The following YTHDC1 variants were observed in gnomAD, a reference collection of about 807,000 sequenced individuals.
The protein encoded by YTHDC1 is YTH N6-methyladenosine RNA binding protein C1, also known as YTH domain-containing protein 1.
Under a neutral mutation model 107.0 loss-of-function variants are expected in YTHDC1, and 12 were observed. The ratio of observed to expected loss-of-function variants is 0.11; its 90% CI spans 0.07 to 0.18. The LOEUF (loss-of-function observed/expected upper bound fraction) is 0.18. Among genes scored for constraint, YTHDC1 ranks in the 10% least tolerant of loss-of-function variants. The pLI is 1.00. For synonymous variants in YTHDC1, 280 were observed against 289.5 expected, an observed-to-expected ratio of 0.97 and a Z score of 0.33; for missense variants, 635 against 898.8, an observed-to-expected ratio of 0.71 and a Z score of 3.75.
chr4:68,334,090 T>C (rs1196845270), intron 4 of YTHDC1, among the ~76,000 whole-genome samples: 5 of 152,170 alleles, frequency 3.3e-5, no homozygotes, highest in Non-Finnish European at 7.4e-5. Context: ...TTACCTGCCA[T>C]GTAAGAACCA....
rs1721265349 is a variant in YTHDC1 at position 68,310,993 on chromosome 4, T to TA, written c.*3105dup. 6.6e-6 allele frequency: 1 copy of TA among 152,190 alleles called. No homozygotes were observed. Among genetic ancestry groups the TA allele is most frequent in the Non-Finnish European group, 1.5e-5 (1 of 68,040 alleles). The allele number at this position is 152,190 out of a possible 1,614,324, so 9.4% of individuals were successfully genotyped here. ...TTATAACTTGTATGAGATCCTGATT[T>TA]AATGGACATCTGCTAAATTTCCTCT... is the stretch of plus-strand genomic sequence containing the variant. On this transcript the variant is annotated 3_prime_UTR_variant, in exon 17 of 17. Coordinates refer to ENST00000344157, the MANE Select transcript of YTHDC1 (RefSeq NM_001031732.4).
chr4:68,338,163 A>G, intron 2 of YTHDC1, 120 bp downstream of exon 2: 1 of 1,296,000 alleles, frequency 7.7e-7, no homozygotes, highest in Non-Finnish European at 1.1e-6. Context: ...TTTATTATGT[A>G]CATTTAGTGT....
chr4:68,349,764 C>G lies in YTHDC1; in HGVS notation c.-11G>C. 1 of 1,612,866 alleles carries G rather than the reference C, an allele frequency of 6.2e-7. No individual in the cohort carries two copies. Among genetic ancestry groups the G allele is most frequent in the Non-Finnish European group, 8.5e-7 (1 of 1,179,680 alleles). On this transcript the variant is annotated 5_prime_UTR_variant, in exon 1 of 17. Coordinates refer to ENST00000344157, the MANE Select transcript of YTHDC1 (RefSeq NM_001031732.4). ...ACTGTCAGCCGCCATGGCTCCCCTTCGGTTTCCGCCGCTGCCACCGCCGCC... is the reference window on the plus strand; with the variant it reads ...ACTGTCAGCCGCCATGGCTCCCCTTGGGTTTCCGCCGCTGCCACCGCCGCC...
At position 68,322,933 on chromosome 4, in the gene YTHDC1, CA is replaced by C; in HGVS notation, c.1435-19del. The C allele has an allele frequency of 6.2e-7, 1 of 1,608,576 alleles. No individual in the cohort carries two copies. The highest frequency in any genetic ancestry group is 8.5e-7 in the Non-Finnish European group (1 of 1,175,906). ...TCAATTTCCTAGAATAGGAAAGTAGCAATTTATAAAACAAAAACAGACCCTT... is the reference window on the plus strand; with the variant it reads ...TCAATTTCCTAGAATAGGAAAGTAGCATTTATAAAACAAAAACAGACCCTT... On this transcript the variant is annotated intron_variant, in intron 10 of 16. Coordinates refer to ENST00000344157, the MANE Select transcript of YTHDC1 (RefSeq NM_001031732.4). This position sits in a 1 kb window ranked among gnomAD's most constrained non-coding sequence, Gnocchi z 4.8.
At chr4:68,331,817 AAAC>A in intron 7 of YTHDC1, among the ~76,000 whole-genome samples, 1 of 152,194 alleles carries the variant, frequency 6.6e-6, no homozygotes. Flanking sequence ...GGAAGTACAG[AAAC>A]AAAAATCAAC....
intron 6 of YTHDC1, among the ~76,000 whole-genome samples, chr4:68,332,454 A>G (rs1723697254): frequency 6.6e-6 from 1 of 152,168 alleles, no homozygotes; most frequent in Non-Finnish European, 1.5e-5. Context: ...GAAAATGGTT[A>G]CCAAGTTTTA....
intron 9 of YTHDC1, among the ~76,000 whole-genome samples, chr4:68,324,668 A>G (rs1362339512): frequency 2.0e-5 from 3 of 152,198 alleles, no homozygotes; most frequent in Non-Finnish European, 1.5e-5. Context: ...CCAAATGAAA[A>G]TAGAAGTGTC....
intron 9 of YTHDC1, among the ~76,000 whole-genome samples, chr4:68,329,425 A>T (rs1723339311): frequency 6.6e-6 from 1 of 152,192 alleles, no homozygotes; most frequent in South Asian, 2.1e-4. Context: ...TTTTTAACTA[A>T]AATTAATTTT....
At chr4:68,338,028 G>A (rs1578064344) in intron 2 of YTHDC1, 128 bp from the exon 3 acceptor site, 2 of 1,460,998 alleles carry the variant, frequency 1.4e-6, no homozygotes, top group Non-Finnish European at 8.9e-7. Context: ...AGTCTTCTGA[G>A]AGATTTCTTC....
At chr4:68,323,329 C>T (rs1434201532) in intron 10 of YTHDC1, among the ~76,000 whole-genome samples, 4 of 152,074 alleles carry the variant, frequency 2.6e-5, no homozygotes, top group African/African-American at 7.2e-5. Flanking sequence ...TTAGATTTAC[C>T]ACAAAGGCAG....
chr4:68,348,563 T>TAC (rs1397351205), intron 1 of YTHDC1, among the ~76,000 whole-genome samples: 1 of 151,426 alleles, frequency 6.6e-6, no homozygotes, highest in East Asian at 1.9e-4. Context: ...ATCAAAGAAC[T>TAC]ACTTTAGGAT....
chr4:68,317,316 A>G (rs1721975013), intron 15 of YTHDC1, among the ~76,000 whole-genome samples: 1 of 152,224 alleles, frequency 6.6e-6, no homozygotes, highest in Non-Finnish European at 1.5e-5. Context: ...AGTTACTATC[A>G]AGATCATATA....
At chr4:68,335,340 T>A (rs1272501666) in intron 4 of YTHDC1, among the ~76,000 whole-genome samples, 3 of 152,150 alleles carry the variant, frequency 2.0e-5, no homozygotes, top group African/African-American at 7.2e-5. Context: ...ATGTTCCACA[T>A]AAGGGATTTT....
chr4:68,312,149 A>G lies in YTHDC1; in HGVS notation c.*1950T>C, dbSNP rs993689145. ...TATTAATTTATATACTGTTTTTTCA[A>G]AAGTGATGAGGTGGTTTAGAAACAC... On this transcript the variant is annotated 3_prime_UTR_variant, in exon 17 of 17. Coordinates refer to ENST00000344157, the MANE Select transcript of YTHDC1 (RefSeq NM_001031732.4). The G allele has an allele frequency of 6.6e-6, 1 of 152,154 alleles. No individual in the cohort carries two copies. Among genetic ancestry groups the G allele is most frequent in the Non-Finnish European group, 1.5e-5 (1 of 68,024 alleles). The allele number at this position is 152,154 out of a possible 1,614,324, so 9.4% of individuals were successfully genotyped here.
intron 7 of YTHDC1, among the ~76,000 whole-genome samples, chr4:68,330,543 A>T (rs1445033529): frequency 6.6e-6 from 1 of 152,160 alleles, no homozygotes; most frequent in Non-Finnish European, 1.5e-5. Context: ...CAAGTAGTAA[A>T]TAGATGGAGA....
At chr4:68,316,585 G>T in intron 15 of YTHDC1, 137 bp from the exon 16 acceptor site, 1 of 1,005,676 alleles carries the variant, frequency 9.9e-7, no homozygotes, top group Non-Finnish European at 1.4e-6. Context: ...GCATTAAGGT[G>T]TTTCAAAATA....
rs1019755256 is a variant in YTHDC1 at position 68,327,211 on chromosome 4, G to A, written c.1349+2791C>T. ...AGATTGCGCCATTGCACTCTAGCCT[G>A]GGCAACAAGAGCGAAACTCCGTCTC... On this transcript the variant is annotated intron_variant, in intron 9 of 16. Coordinates refer to ENST00000344157, the MANE Select transcript of YTHDC1 (RefSeq NM_001031732.4). 2.6e-5 allele frequency among the ~76,000 whole-genome samples: 4 copies of A among 152,020 alleles called. No homozygotes were observed. The South Asian group carries it at 8.3e-4, about 32-fold the overall frequency.
Position 68,322,384 on chromosome 4 carries a change from T to C in YTHDC1, c.1601+365A>G. The C allele has an allele frequency of 5.4e-6, 1 of 185,952 alleles. No homozygotes were observed. Among genetic ancestry groups the C allele is most frequent in the Non-Finnish European group, 1.1e-5 (1 of 91,010 alleles). The allele number at this position is 185,952 out of a possible 1,614,324, so 11.5% of individuals were successfully genotyped here. A position where few individuals can be genotyped will look rare whatever the true frequency, so the allele number is the denominator to read the frequency against. ...CTGAAAGAAAAGGCTTTTTAAAAAGTATTAACAATTTTTGCAAATAAAGAC... is the reference window on the plus strand; with the variant it reads ...CTGAAAGAAAAGGCTTTTTAAAAAGCATTAACAATTTTTGCAAATAAAGAC... On this transcript the variant is annotated intron_variant, in intron 11 of 16. Coordinates refer to ENST00000344157, the MANE Select transcript of YTHDC1 (RefSeq NM_001031732.4). The surrounding 1 kb of genome is among the most constrained non-coding windows in gnomAD (Gnocchi z 4.8).
intron 1 of YTHDC1, among the ~76,000 whole-genome samples, chr4:68,345,810 G>T (rs1204360617): frequency 9.2e-5 from 14 of 152,004 alleles, no homozygotes; most frequent in Admixed American, 9.2e-4. Flanking sequence ...TTGTGGCACA[G>T]TCATCATTTT....
Sources: gnomAD v4.1 joint callset for allele counts (sites outside exome capture counted in the v4.1 genomes callset) on GRCh38, gnomAD v4.1.1 for gene constraint, Gnocchi (gnomAD v3.1) non-coding constraint, MANE v1.5 for transcripts, NCBI Gene and HGNC (gene_info 2026-07-23, HGNC 2026-07-21) for gene names.